The following GPC5 variants were observed in gnomAD, a reference collection of about 807,000 sequenced individuals.
GPC5 encodes the protein glypican-5.
Under a neutral mutation model 53.9 loss-of-function variants are expected in GPC5, and 47 were observed. The observed-to-expected ratio is 0.87, with a 90% CI of 0.69 to 1.11. The LOEUF is 1.11. Among genes scored for constraint, GPC5 ranks in the 50% most tolerant of loss-of-function variants. The probability of loss-of-function intolerance (pLI) is 0.00; values close to 1 mark genes in which losing one functional copy is unlikely to be tolerated. For missense variants in GPC5, 748 were observed against 713.1 expected, an observed-to-expected ratio of 1.05 and a Z score of -0.56; for synonymous variants, 286 against 263.3, an observed-to-expected ratio of 1.09 and a Z score of -0.84.
chr13:91,689,339 A>G (rs2035704926), intron 2 of GPC5, among the ~76,000 whole-genome samples: 1 of 148,628 alleles, frequency 6.7e-6, no homozygotes. Context: ...GTAAGTCAGT[A>G]AGTGAGTGGT....
chr13:91,595,592 C>G (rs2032964605), intron 2 of GPC5, among the ~76,000 whole-genome samples: 1 of 151,734 alleles, frequency 6.6e-6, no homozygotes, highest in Non-Finnish European at 1.5e-5. Flanking sequence ...TTAGTTATTC[C>G]CATTTTCTTC....
intron 7 of GPC5, among the ~76,000 whole-genome samples, chr13:92,209,167 A>G (rs1479835707): frequency 2.0e-5 from 3 of 152,214 alleles, no homozygotes; most frequent in African/African-American, 7.2e-5. Context: ...TAAAAATGAG[A>G]TGTATTGCTT....
chr13:92,480,564 A>G (rs1415548024), intron 7 of GPC5, among the ~76,000 whole-genome samples: 1 of 152,186 alleles, frequency 6.6e-6, no homozygotes, highest in African/African-American at 2.4e-5. Context: ...ACATGTTAGA[A>G]TTTGCACTTT....
intron 7 of GPC5, among the ~76,000 whole-genome samples, chr13:92,220,410 C>T (rs1490590013): frequency 6.6e-6 from 1 of 152,176 alleles, no homozygotes; most frequent in South Asian, 2.1e-4. Flanking sequence ...TTTGCCCAGC[C>T]TCTCCATGCC....
At chr13:92,642,193 C>T (rs567021577) in intron 7 of GPC5, among the ~76,000 whole-genome samples, 27 of 152,202 alleles carry the variant, frequency 1.8e-4, no homozygotes, top group Admixed American at 3.9e-4. Flanking sequence ...AATGGTAGGG[C>T]CCACCTACAT....
At chr13:91,716,012 C>T (rs2036330263) in intron 3 of GPC5, among the ~76,000 whole-genome samples, 1 of 152,082 alleles carries the variant, frequency 6.6e-6, no homozygotes, top group South Asian at 2.1e-4. Flanking sequence ...CTCCTGACCT[C>T]AAGCGATTCT....
intron 6 of GPC5, among the ~76,000 whole-genome samples, chr13:92,106,884 C>G (rs2041514435): frequency 6.6e-6 from 1 of 152,106 alleles, no homozygotes; most frequent in Admixed American, 6.5e-5. Flanking sequence ...CAACAGATGA[C>G]TTGCTCATAC....
intron 5 of GPC5, among the ~76,000 whole-genome samples, chr13:91,904,005 C>T (rs545718015): frequency 6.6e-6 from 1 of 152,066 alleles, no homozygotes; most frequent in South Asian, 2.1e-4. Flanking sequence ...AACAGAAACA[C>T]TGTACGGCAA....
At chr13:92,305,265 C>T (rs9523620) in intron 7 of GPC5, among the ~76,000 whole-genome samples, 18,517 of 151,922 alleles carry the variant, frequency 0.12, 1,263 homozygotes, top group African/African-American at 0.17. Flanking sequence ...AGTTGAGAAT[C>T]GTTAAAGTTA....
intron 7 of GPC5, among the ~76,000 whole-genome samples, chr13:92,598,846 G>C (rs9523725): frequency 6.6e-6 from 1 of 151,926 alleles, no homozygotes; most frequent in Non-Finnish European, 1.5e-5. Context: ...GCGAAAACTC[G>C]TCTCTACTAA....
At chr13:92,855,801 G>A (rs1050894453) in intron 7 of GPC5, among the ~76,000 whole-genome samples, 2 of 151,976 alleles carry the variant, frequency 1.3e-5, no homozygotes, top group African/African-American at 4.8e-5. Context: ...ATTGAATCAG[G>A]AAGAAAGTGA....
intron 6 of GPC5, among the ~76,000 whole-genome samples, chr13:92,117,488 T>G (rs2041610586): frequency 6.6e-6 from 1 of 152,180 alleles, no homozygotes; most frequent in South Asian, 2.1e-4. Flanking sequence ...CCTACACATT[T>G]TAGAATTAAT....
chr13:91,435,654 T>C (rs1879879099), intron 1 of GPC5, among the ~76,000 whole-genome samples: 1 of 152,228 alleles, frequency 6.6e-6, no homozygotes, highest in Non-Finnish European at 1.5e-5. Flanking sequence ...TTCTCTTTTA[T>C]TGTTGTGTCT....
At chr13:91,404,364 C>T (rs1020666231) in intron 1 of GPC5, among the ~76,000 whole-genome samples, 12 of 152,192 alleles carry the variant, frequency 7.9e-5, no homozygotes, top group African/African-American at 2.9e-4. Context: ...TCATGAGAGA[C>T]TTGAAACATA....
At position 92,368,515 on chromosome 13, in the gene GPC5, G is replaced by C. The variant is rs182229461; in HGVS notation, c.1561+223526G>C. Among the ~76,000 whole-genome samples the C allele has an allele frequency of 3.1e-3, 471 of 150,716 alleles. 3 individuals carry two copies. Among genetic ancestry groups the C allele is most frequent in the African/African-American group, 0.011 (442 of 41,200 alleles). On this transcript the variant is annotated intron_variant, in intron 7 of 7. Transcript: ENST00000377067. ...AAAAATTAGCCCGGCATTGTGGCAG[G>C]CACCTGTAATCCCAGCTACTTAGGA...
chr13:92,834,934 A>G (rs1878173770), intron 7 of GPC5, among the ~76,000 whole-genome samples: 1 of 152,128 alleles, frequency 6.6e-6, no homozygotes. Context: ...TTTTAAATCA[A>G]CTGTATTTAT....
chr13:91,546,779 T>C (rs892859400), intron 2 of GPC5, among the ~76,000 whole-genome samples: 3 of 152,086 alleles, frequency 2.0e-5, no homozygotes, highest in African/African-American at 7.2e-5. Flanking sequence ...ATAAATGTAG[T>C]TGAAAATCAT....
chr13:92,500,973 G>C (rs1880161704), intron 7 of GPC5, among the ~76,000 whole-genome samples: 1 of 152,026 alleles, frequency 6.6e-6, no homozygotes, highest in African/African-American at 2.4e-5. Context: ...CCCCTACCCA[G>C]TTGACTATCT....
intron 5 of GPC5, among the ~76,000 whole-genome samples, chr13:91,904,141 T>C (rs1193330949): frequency 6.7e-5 from 1 of 14,966 alleles, no homozygotes; most frequent in Non-Finnish European, 1.2e-4. Context: ...CTTTTCTTTC[T>C]TTTTTTTTTT....
Sources: gnomAD v4.1 joint callset for allele counts (sites outside exome capture counted in the v4.1 genomes callset) on GRCh38, gnomAD v4.1.1 for gene constraint, MANE v1.5 for transcripts, NCBI Gene and HGNC (gene_info 2026-07-23, HGNC 2026-07-21) for gene names.